KLHL1: variants seen among roughly 807,000 people sequenced by gnomAD.
KLHL1 encodes kelch like family member 1, also known as kelch-like protein 1.
In KLHL1, 47 loss-of-function variants were observed where a neutral mutation model predicts 77.7. That is an observed-to-expected ratio of 0.60 (90% CI 0.48 to 0.77). The LOEUF is 0.77. KLHL1 is among the 30% of genes least tolerant of loss of function. The pLI, the probability that KLHL1 is intolerant of heterozygous loss-of-function variation, is 0.00. For missense variants in KLHL1, 925 were observed against 910.8 expected, an observed-to-expected ratio of 1.02 and a Z score of -0.20; for synonymous variants, 360 against 325.2, an observed-to-expected ratio of 1.11 and a Z score of -1.15.
chr13:69,969,941 T>TG (rs11405654), intron 2 of KLHL1, among the ~76,000 whole-genome samples: 151,492 of 152,284 alleles, frequency 0.99, 75,357 homozygotes, highest in Non-Finnish European at 1. Context: ...ATTAAACTTT[T>TG]TAAGTTCCAC....
chr13:70,041,193 T>G (rs2137379490), intron 1 of KLHL1, among the ~76,000 whole-genome samples: 1 of 152,292 alleles, frequency 6.6e-6, no homozygotes, highest in East Asian at 1.9e-4. Context: ...ATAATAACTG[T>G]TTTAGAATTT....
chr13:69,805,526 G>T (rs1287252822), intron 6 of KLHL1, among the ~76,000 whole-genome samples: 1 of 151,518 alleles, frequency 6.6e-6, no homozygotes, highest in Non-Finnish European at 1.5e-5. Flanking sequence ...CTGGAAGTAG[G>T]TAAATCAGAA....
At chr13:69,865,231 T>C (rs903133471) in intron 5 of KLHL1, among the ~76,000 whole-genome samples, 2 of 152,140 alleles carry the variant, frequency 1.3e-5, no homozygotes, top group African/African-American at 4.8e-5. Context: ...GCCAGTGCAC[T>C]CGGCCCTGAG....
intron 3 of KLHL1, among the ~76,000 whole-genome samples, chr13:69,943,333 T>A (rs1883421330): frequency 6.6e-6 from 1 of 152,058 alleles, no homozygotes; most frequent in African/African-American, 2.4e-5. Context: ...AAAAGACTAT[T>A]ATATTTTATT....
chr13:69,784,882 A>ATTTTTTTTTT lies in KLHL1; in HGVS notation c.1639+11846_1639+11855dup, dbSNP rs775109435. ...TCCACCCCAAATCAACAGAATATAC[A>ATTTTTTTTTT]TTTTTTTTTTTTTTTTTTTTTTTTT... On this transcript the variant is annotated intron_variant, in intron 7 of 10. Coordinates refer to ENST00000377844, the MANE Select transcript of KLHL1 (RefSeq NM_020866.3). 1.4e-4 allele frequency among the ~76,000 whole-genome samples: 11 copies of ATTTTTTTTTT among 79,502 alleles called. 1 individual carries two copies. Among genetic ancestry groups the ATTTTTTTTTT allele is most frequent in the Non-Finnish European group, 2.3e-4 (10 of 43,636 alleles). The allele number at this position is 79,502 out of a possible 152,430, so 52.2% of individuals were successfully genotyped here. A position where few individuals can be genotyped will look rare whatever the true frequency, so the allele number is the denominator to read the frequency against.
intron 1 of KLHL1, among the ~76,000 whole-genome samples, chr13:70,042,777 A>G (rs1248405449): frequency 6.6e-6 from 1 of 152,138 alleles, no homozygotes; most frequent in Admixed American, 6.5e-5. Context: ...GTCCTTTAGG[A>G]GGTATTCCAG....
At chr13:69,830,820 G>C (rs2138094199) in intron 6 of KLHL1, among the ~76,000 whole-genome samples, 1 of 150,192 alleles carries the variant, frequency 6.7e-6, no homozygotes, top group Admixed American at 6.7e-5. Context: ...CACATAGATG[G>C]AAGTTAAGTA....
At chr13:69,900,340 T>C (rs1881811659) in intron 4 of KLHL1, among the ~76,000 whole-genome samples, 1 of 152,210 alleles carries the variant, frequency 6.6e-6, no homozygotes, top group Admixed American at 6.5e-5. Context: ...CAGCTTTGAA[T>C]ATACCTCAAT....
At chr13:69,735,155 C>T (rs1443269338) in intron 8 of KLHL1, among the ~76,000 whole-genome samples, 2 of 151,822 alleles carry the variant, frequency 1.3e-5, no homozygotes, top group Non-Finnish European at 2.9e-5. Flanking sequence ...ATCATCTTGA[C>T]AAATTCATAA....
At chr13:69,811,636 G>A (rs1187940465) in intron 6 of KLHL1, among the ~76,000 whole-genome samples, 1 of 151,500 alleles carries the variant, frequency 6.6e-6, no homozygotes, top group Non-Finnish European at 1.5e-5. Context: ...AGAGCAGTTA[G>A]GCAAGTTACA....
intron 6 of KLHL1, among the ~76,000 whole-genome samples, chr13:69,818,286 T>C (rs1007035611): frequency 4.1e-5 from 6 of 146,644 alleles, no homozygotes; most frequent in Non-Finnish European, 7.4e-5. Context: ...AGTGGCACGA[T>C]CTCAGCTCAC....
At chr13:69,990,870 C>T (rs931575158) in intron 1 of KLHL1, among the ~76,000 whole-genome samples, 3 of 151,792 alleles carry the variant, frequency 2.0e-5, no homozygotes, top group Non-Finnish European at 4.4e-5. Flanking sequence ...TGTTGTCACA[C>T]GGTACATGCT....
chr13:69,986,078 C>T (rs1252938002), intron 1 of KLHL1, among the ~76,000 whole-genome samples: 1 of 151,392 alleles, frequency 6.6e-6, no homozygotes, highest in Non-Finnish European at 1.5e-5. Context: ...AAACCAAGTA[C>T]TGAAGGACCA....
intron 1 of KLHL1, among the ~76,000 whole-genome samples, chr13:69,995,564 A>C (rs1359650622): frequency 6.6e-6 from 1 of 152,138 alleles, no homozygotes; most frequent in Non-Finnish European, 1.5e-5. Flanking sequence ...AATTGCTGCA[A>C]ATCTATAATG....
At chr13:69,854,699 G>A (rs1879819809) in intron 5 of KLHL1, among the ~76,000 whole-genome samples, 1 of 151,994 alleles carries the variant, frequency 6.6e-6, no homozygotes, top group Non-Finnish European at 1.5e-5. Context: ...TTGCATTTAT[G>A]AGTTTCTGTT....
At chr13:69,731,163 A>G (rs1194776774) in intron 8 of KLHL1, among the ~76,000 whole-genome samples, 2 of 152,260 alleles carry the variant, frequency 1.3e-5, no homozygotes, top group East Asian at 1.9e-4. Context: ...TACATTTTCT[A>G]TTGAGTAAAG....
chr13:69,916,163 A>G (rs1478774521), intron 4 of KLHL1, among the ~76,000 whole-genome samples: 1 of 152,030 alleles, frequency 6.6e-6, no homozygotes, highest in Non-Finnish European at 1.5e-5. Context: ...TAGTTCAACC[A>G]TTGTGGAAGT....
At chr13:69,873,708 CT>C (rs1880666244) in intron 5 of KLHL1, among the ~76,000 whole-genome samples, 1 of 152,000 alleles carries the variant, frequency 6.6e-6, no homozygotes, top group African/African-American at 2.4e-5. Context: ...ACATGTATAC[CT>C]ATGTAACAAA....
chr13:69,862,796 A>G (rs930575383), intron 5 of KLHL1, among the ~76,000 whole-genome samples: 4 of 152,064 alleles, frequency 2.6e-5, no homozygotes, highest in Admixed American at 1.3e-4. Context: ...ACACAGTGAG[A>G]AGGAGGCTGT....
Sources: allele counts gnomAD v4.1 joint callset (sites outside exome capture counted in the v4.1 genomes callset), GRCh38; gene constraint gnomAD v4.1.1; transcripts MANE v1.5; gene names NCBI Gene and HGNC (gene_info 2026-07-23, HGNC 2026-07-21).